Variants in MINDY2 observed in about 807,000 individuals in gnomAD.
The protein encoded by MINDY2 is ubiquitin carboxyl-terminal hydrolase MINDY-2.
In MINDY2, 52 loss-of-function variants were observed where a neutral mutation model predicts 68.2. That is an observed-to-expected ratio of 0.76 (90% CI 0.61 to 0.96). The LOEUF (loss-of-function observed/expected upper bound fraction) is 0.96. MINDY2 is among the 40% of genes least tolerant of loss of function. MINDY2 has a pLI of 0.00. For synonymous variants in MINDY2, 372 were observed against 303.0 expected (o/e 1.23, Z -2.36); for missense variants, 881 against 773.4 (o/e 1.14, Z -1.65).
In MINDY2 at chr15:58,771,959, C is replaced by T. The variant is rs757872676; in HGVS notation, c.564C>T (p.Ser188=). ...CTAACCTGCATTCTTTTCCCAGTAG[C>T]TGCGAGTTCAATAGTGAGGAGGGAG... ...SFSNLHSFPS[S]CEFNSEEGAE... Residue 188 remains serine, a synonymous_variant, in exon 1 of 9, where the codon AGC becomes AGT. Transcript: ENST00000559228. The T allele has an allele frequency of 1.3e-5, 21 of 1,561,470 alleles. No individual in the cohort carries two copies. The South Asian group carries it at 2.6e-4, about 19-fold the overall frequency.
intron 6 of MINDY2, among the ~76,000 whole-genome samples, chr15:58,834,835 A>G (rs1474300869): frequency 1.3e-5 from 2 of 152,188 alleles, no homozygotes; most frequent in African/African-American, 4.8e-5. Context: ...AATACCCTTA[A>G]AGCCGTTGCT....
chr15:58,796,094 G>T (rs1417567915), intron 2 of MINDY2: 2 of 455,790 alleles, frequency 4.4e-6, no homozygotes, highest in African/African-American at 4.0e-5. Context: ...AGAGTATCTG[G>T]GAGGCAAGGA....
intron 6 of MINDY2, among the ~76,000 whole-genome samples, chr15:58,834,932 T>A (rs1377007650): frequency 6.6e-6 from 1 of 152,194 alleles, no homozygotes; most frequent in African/African-American, 2.4e-5. Flanking sequence ...GGGCCCAGAG[T>A]CATCCATACT....
In MINDY2 at chr15:58,855,194, A is replaced by T. The variant is rs1334961576; in HGVS notation, c.*584A>T. On this transcript the variant is annotated 3_prime_UTR_variant, in exon 9 of 9. Coordinates refer to ENST00000559228, the MANE Select transcript of MINDY2 (RefSeq NM_001040450.3). Reference sequence around the variant, plus strand: ...TTTAGGAATGTACATTTTAGGTATTATCTTGATCATGGAGCTTAGTTTTAA... The same window carrying T: ...TTTAGGAATGTACATTTTAGGTATTTTCTTGATCATGGAGCTTAGTTTTAA... 2 of 152,686 alleles carry T rather than the reference A, an allele frequency of 1.3e-5. No homozygotes were observed. The highest frequency in any genetic ancestry group is 1.3e-4 in the Admixed American group (2 of 15,282). The allele number at this position is 152,686 out of a possible 1,614,324, so 9.5% of individuals were successfully genotyped here. A position where few individuals can be genotyped will look rare whatever the true frequency, so the allele number is the denominator to read the frequency against.
At chr15:58,850,032 T>C (rs1251447806) in intron 7 of MINDY2, among the ~76,000 whole-genome samples, 2 of 152,172 alleles carry the variant, frequency 1.3e-5, no homozygotes, top group Admixed American at 1.3e-4. Context: ...CCACTGCACC[T>C]GACCACAGGC....
chr15:58,783,045 G>A (rs1901263127), intron 1 of MINDY2, among the ~76,000 whole-genome samples: 1 of 148,760 alleles, frequency 6.7e-6, no homozygotes, highest in Admixed American at 6.9e-5. Context: ...TCAGCCTCCT[G>A]AGTAGCTGGG....
intron 4 of MINDY2, among the ~76,000 whole-genome samples, chr15:58,813,448 A>T (rs1328931787): frequency 6.6e-6 from 1 of 152,190 alleles, no homozygotes; most frequent in African/African-American, 2.4e-5. Context: ...GTGAGCCAAG[A>T]TCGTGCCACT....
chr15:58,837,952 G>C (rs1190687195), intron 6 of MINDY2, among the ~76,000 whole-genome samples: 9 of 116,982 alleles, frequency 7.7e-5, no homozygotes, highest in African/African-American at 2.7e-4. Flanking sequence ...CTGGATGACA[G>C]AGTAAGACCT....
At chr15:58,835,512 G>A (rs143579200) in intron 6 of MINDY2, among the ~76,000 whole-genome samples, 29 of 152,226 alleles carry the variant, frequency 1.9e-4, no homozygotes, top group African/African-American at 6.3e-4. Flanking sequence ...AATTAGCTGG[G>A]CATGGTGGTG....
intron 2 of MINDY2, among the ~76,000 whole-genome samples, chr15:58,791,253 A>ATATATATATATATATATATC (rs1567043806): frequency 7.8e-6 from 1 of 128,568 alleles, no homozygotes; most frequent in Non-Finnish European, 1.7e-5. Context: ...ATATATATAT[A>ATATATATATATATATATATC]TATCTTGAGT....
In MINDY2 at chr15:58,771,335, A is replaced by G. The variant is rs1900363066; in HGVS notation, c.-61A>G. On this transcript the variant is annotated 5_prime_UTR_variant, in exon 1 of 9. Coordinates refer to ENST00000559228, the MANE Select transcript of MINDY2 (RefSeq NM_001040450.3). ...TGCCAATACAGCTGTCATGGCGTCC[A>G]AGGCGCTGGCTGCGGAGAAGTGGCC... The G allele has an allele frequency of 3.2e-6, 5 of 1,550,572 alleles. No homozygotes were observed. The highest frequency in any genetic ancestry group is 4.3e-6 in the Non-Finnish European group (5 of 1,150,832).
chr15:58,771,399 G>C lies in MINDY2; in HGVS notation c.4G>C (p.Glu2Gln). The C allele has an allele frequency of 6.2e-7, 1 of 1,607,748 alleles. No homozygotes were observed. Residue 2 changes from glutamate to glutamine, a missense_variant, in exon 1 of 9, where the codon GAG becomes CAG. By Grantham distance (29) the Glu-to-Gln change is conservative. Transcript: ENST00000559228. ...AGCTGGGGGCGGGCGGCCCGGTATGGAGAGCAGCCCCGAGAGCCTGCAGCC... is the reference window on the plus strand; with the variant it reads ...AGCTGGGGGCGGGCGGCCCGGTATGCAGAGCAGCCCCGAGAGCCTGCAGCC... The part of the protein sequence containing the change: M[E>Q]SSPESLQPLE...
chr15:58,838,532 C>T (rs918921224), intron 6 of MINDY2, among the ~76,000 whole-genome samples: 30 of 150,644 alleles, frequency 2.0e-4, no homozygotes, highest in African/African-American at 5.6e-4. Context: ...GGCAATCAGA[C>T]ATAAATATCT....
intron 2 of MINDY2, among the ~76,000 whole-genome samples, chr15:58,797,139 A>G (rs553522820): frequency 1.8e-4 from 28 of 152,314 alleles, no homozygotes; most frequent in African/African-American, 5.5e-4. Flanking sequence ...AGATTTGGTT[A>G]AAAAAGAATA....
chr15:58,786,782 G>A (rs548659978), intron 1 of MINDY2, among the ~76,000 whole-genome samples: 3 of 152,090 alleles, frequency 2.0e-5, no homozygotes, highest in Non-Finnish European at 4.4e-5. Context: ...TGTTACCACT[G>A]GGGATAACCA....
intron 6 of MINDY2, 69 bp from the exon 7 acceptor site, chr15:58,847,228 T>C (rs962481261): frequency 1.3e-5 from 16 of 1,258,832 alleles, no homozygotes; most frequent in Non-Finnish European, 1.6e-5. Context: ...TGTAAAACTT[T>C]CCTTAAATAT....
chr15:58,785,838 G>A (rs762492631), intron 1 of MINDY2, among the ~76,000 whole-genome samples: 7 of 152,060 alleles, frequency 4.6e-5, no homozygotes, highest in African/African-American at 7.2e-5. Flanking sequence ...CACCACACCT[G>A]GCTAATTTTT....
intron 2 of MINDY2, among the ~76,000 whole-genome samples, chr15:58,798,165 G>T (rs1365586661): frequency 1.3e-5 from 2 of 152,066 alleles, no homozygotes; most frequent in Admixed American, 1.3e-4. Context: ...CGCCCAGGCT[G>T]GAGTATAATG....
intron 7 of MINDY2, 150 bp from the exon 8 acceptor site, chr15:58,851,621 T>G: frequency 5.3e-6 from 3 of 568,862 alleles, no homozygotes; most frequent in Non-Finnish European, 8.6e-6. Context: ...AAACTTTTTT[T>G]GTAGAGACAG....
Sources: allele counts gnomAD v4.1 joint callset (sites outside exome capture counted in the v4.1 genomes callset), GRCh38; gene constraint gnomAD v4.1.1; transcripts MANE v1.5; gene names NCBI Gene and HGNC (gene_info 2026-07-23, HGNC 2026-07-21).